PROM1: variants seen among roughly 807,000 people sequenced by gnomAD.
PROM1 encodes prominin 1.
Under a neutral mutation model 116.9 loss-of-function variants are expected in PROM1, and 105 were observed. The ratio of observed to expected loss-of-function variants is 0.90; its 90% confidence interval spans 0.77 to 1.06. PROM1 has a LOEUF of 1.06. PROM1 is among the 50% of genes least tolerant of loss of function. The pLI is 0.00. For synonymous variants in PROM1, 393 were observed against 387.0 expected (o/e 1.02, Z -0.18); for missense variants, 1,122 against 1,045.2 (o/e 1.07, Z -1.01).
At chr4:15,975,765 T>C (rs947420778) in intron 26 of PROM1, among the ~76,000 whole-genome samples, 17 of 152,226 alleles carry the variant, frequency 1.1e-4, no homozygotes, top group Non-Finnish European at 1.3e-4. Flanking sequence ...TGACTGCCTG[T>C]AGACGGGCTG....
At chr4:15,991,074 G>T (rs1008832243) in intron 18 of PROM1, 148 bp downstream of exon 18, 1 of 652,488 alleles carries the variant, frequency 1.5e-6, no homozygotes, top group African/African-American at 1.9e-5. Flanking sequence ...GGCTGTGGAC[G>T]GAAACGTAAT....
At chr4:16,056,220 T>C (rs1375632390) in intron 2 of PROM1, among the ~76,000 whole-genome samples, 3 of 152,052 alleles carry the variant, frequency 2.0e-5, no homozygotes, top group African/African-American at 7.3e-5. Flanking sequence ...GGTGTAGGCC[T>C]GAGGAAGTGG....
intron 2 of PROM1, among the ~76,000 whole-genome samples, chr4:16,052,870 TC>T (rs1444862040): frequency 2.0e-5 from 3 of 152,120 alleles, no homozygotes; most frequent in African/African-American, 7.2e-5. Flanking sequence ...TATGGAAAAA[TC>T]TGGAAGACAC....
rs376198840 is a variant in PROM1 at position 16,024,312 on chromosome 4, G to A, written c.677C>T (p.Ala226Val). 1.3e-4 allele frequency: 210 copies of A among 1,613,488 alleles called. 1 individual carries two copies. The South Asian group carries it at 1.8e-3, about 14-fold the overall frequency. The change falls in exon 7 of 28, where the codon GCG becomes GTG. Residue 226 changes from alanine (A) to valine (V), a missense_variant. Ala to Val is a moderately conservative substitution (Grantham distance 64). Coordinates refer to ENST00000447510, the MANE Select transcript of PROM1 (RefSeq NM_006017.3). ...TTACTCACTGTTCAGATCTGTGAAC[G>A]CCTTGTCCTTGGTAGTGTTGTACTG... ...LAQYNTTKDKAFTDLNSINSV... is the reference protein window; with the variant it reads ...LAQYNTTKDKVFTDLNSINSV...
At chr4:16,055,148 AC>A (rs1738716873) in intron 2 of PROM1, 2 of 275,044 alleles carry the variant, frequency 7.3e-6, no homozygotes. Context: ...CCCAAATGAG[AC>A]ATCTAAATGA....
chr4:16,071,412 A>G (rs777613015), intron 2 of PROM1, among the ~76,000 whole-genome samples: 4 of 152,000 alleles, frequency 2.6e-5, no homozygotes, highest in Non-Finnish European at 4.4e-5. Context: ...ATGAATACCT[A>G]TTTCACCCTC....
At chr4:16,027,324 A>ACACACACAC (rs368009229) in intron 5 of PROM1, among the ~76,000 whole-genome samples, 3 of 151,780 alleles carry the variant, frequency 2.0e-5, no homozygotes, top group East Asian at 1.9e-4. Context: ...ACACACACAC[A>ACACACACAC]AAAGTTGAGT....
intron 5 of PROM1, 116 bp downstream of exon 5, chr4:16,033,186 GTT>G: frequency 1.2e-6 from 1 of 861,508 alleles, no homozygotes; most frequent in South Asian, 2.2e-5. Context: ...TGTTTGGTGG[GTT>G]TTTTTTTCAT....
chr4:15,998,276 G>A (rs1722821551), intron 15 of PROM1, 109 bp downstream of exon 15: 2 of 1,410,390 alleles, frequency 1.4e-6, no homozygotes, highest in Admixed American at 3.3e-5. Flanking sequence ...GCTTATCTCT[G>A]AAACATGAAA....
intron 14 of PROM1, among the ~76,000 whole-genome samples, chr4:15,999,968 G>A (rs12512355): frequency 0.27 from 41,054 of 152,166 alleles, 5,879 homozygotes; most frequent in Admixed American, 0.38. Flanking sequence ...TGGACTGAGA[G>A]GGAGAAAGCG....
At chr4:15,989,964 T>C in intron 18 of PROM1, 140 bp from the exon 19 acceptor site, 1 of 673,752 alleles carries the variant, frequency 1.5e-6, no homozygotes, top group Non-Finnish European at 2.6e-6. Flanking sequence ...GCATGGGGGC[T>C]GGTGTGAGGG....
rs564036360 is a variant in PROM1 at position 16,062,582 on chromosome 4, A to G, written c.220+13105T>C. Among the ~76,000 whole-genome samples, 36 of 152,338 alleles carry G rather than the reference A, an allele frequency of 2.4e-4. 1 individual carries two copies. The highest frequency in any genetic ancestry group is 8.7e-4 in the African/African-American group (36 of 41,578). On this transcript the variant is annotated intron_variant, in intron 2 of 27. Transcript: ENST00000447510. ...TAAAAGTCTGGGGAGACAAACAACA[A>G]ACTAAAAATCTAGAACTCTGAACTC...
rs1489642629 is a variant in PROM1, at chr4:16,000,666, A to G, written c.1455-47T>C. 3 of 1,431,316 alleles carry G rather than the reference A, an allele frequency of 2.1e-6. No homozygotes were observed. In the East Asian group the frequency reaches 7.0e-5, roughly 33 times the overall value. The allele number at this position is 1,431,316 out of a possible 1,614,324, so 88.7% of individuals were successfully genotyped here. On this transcript the variant is annotated intron_variant, in intron 13 of 27. Coordinates refer to ENST00000447510, the MANE Select transcript of PROM1 (RefSeq NM_006017.3). ...GTAATTCAACAAAGAATGATTCAAT[A>G]TTACCTACTGATACTTACTAAATCT...
intron 11 of PROM1, among the ~76,000 whole-genome samples, chr4:16,011,140 A>G (rs1374151935): frequency 2.6e-5 from 4 of 152,036 alleles, no homozygotes; most frequent in Admixed American, 2.0e-4. Context: ...TGCTGCTCTG[A>G]CAACTCTCTA....
intron 10 of PROM1, among the ~76,000 whole-genome samples, chr4:16,014,731 TTAAGAA>T (rs1727862174): frequency 6.6e-6 from 1 of 152,068 alleles, no homozygotes; most frequent in Non-Finnish European, 1.5e-5. Flanking sequence ...AAAGACAGAG[TTAAGAA>T]TAAAACTATT....
At chr4:15,993,020 A>G (rs1721450947) in intron 16 of PROM1, among the ~76,000 whole-genome samples, 1 of 152,242 alleles carries the variant, frequency 6.6e-6, no homozygotes, top group African/African-American at 2.4e-5. Context: ...CACACAGAGA[A>G]GTGACCCACA....
intron 9 of PROM1, among the ~76,000 whole-genome samples, chr4:16,017,409 A>T (rs1312019842): frequency 6.6e-6 from 1 of 152,266 alleles, no homozygotes; most frequent in South Asian, 2.1e-4. Flanking sequence ...AAACTGTTCA[A>T]TCAAAAATGA....
intron 2 of PROM1, among the ~76,000 whole-genome samples, chr4:16,043,696 T>C (rs1295807346): frequency 6.6e-6 from 1 of 152,224 alleles, no homozygotes; most frequent in Non-Finnish European, 1.5e-5. Context: ...ATGTGTACTG[T>C]AGCCCGAAAT....
chr4:16,052,166 C>T (rs1738037998), intron 2 of PROM1, among the ~76,000 whole-genome samples: 1 of 152,272 alleles, frequency 6.6e-6, no homozygotes, highest in African/African-American at 2.4e-5. Flanking sequence ...CCTGAACGCT[C>T]GTGAACCTCC....
Sources: gnomAD v4.1 joint callset for allele counts (sites outside exome capture counted in the v4.1 genomes callset) on GRCh38, gnomAD v4.1.1 for gene constraint, MANE v1.5 for transcripts, NCBI Gene and HGNC (gene_info 2026-07-23, HGNC 2026-07-21) for gene names.